The following SPTLC3 variants were observed in gnomAD, a reference collection of about 807,000 sequenced individuals.
The protein encoded by SPTLC3 is serine palmitoyltransferase long chain base subunit 3.
In SPTLC3, 36 loss-of-function variants were observed where a neutral mutation model predicts 59.3. The ratio of observed to expected loss-of-function variants is 0.61; its 90% CI spans 0.47 to 0.80. SPTLC3 has a LOEUF of 0.80. SPTLC3 is among the 30% of genes least tolerant of loss of function. SPTLC3 has a pLI of 0.00. For missense variants in SPTLC3, 625 were observed against 685.1 expected (o/e 0.91, Z 0.98); for synonymous variants, 257 against 240.8 (o/e 1.07, Z -0.62).
At chr20:13,110,288 C>T in intron 7 of SPTLC3, 71 bp downstream of exon 7, 2 of 1,259,540 alleles carry the variant, frequency 1.6e-6, no homozygotes, top group South Asian at 2.6e-5. Context: ...GAAAGGCTCA[C>T]CTTTCCTAGC....
At chr20:13,028,896 T>C (rs143729049) in intron 1 of SPTLC3, among the ~76,000 whole-genome samples, 91 of 152,306 alleles carry the variant, frequency 6.0e-4, no homozygotes, top group African/African-American at 2.0e-3. Context: ...GCTATTATTT[T>C]AAAATAGGAA....
chr20:13,103,634 A>G (rs1410349540), intron 6 of SPTLC3, among the ~76,000 whole-genome samples: 1 of 152,188 alleles, frequency 6.6e-6, no homozygotes, highest in Non-Finnish European at 1.5e-5. Flanking sequence ...TAAACCACCA[A>G]CCACACCAGG....
chr20:13,124,178 T>C (rs541396932), intron 8 of SPTLC3, among the ~76,000 whole-genome samples: 2 of 152,330 alleles, frequency 1.3e-5, no homozygotes, highest in Admixed American at 1.3e-4. Context: ...TAATTTCATT[T>C]ATATAAATGG....
intron 9 of SPTLC3, among the ~76,000 whole-genome samples, chr20:13,145,436 T>C (rs1304488823): frequency 1.3e-5 from 2 of 151,744 alleles, no homozygotes; most frequent in Admixed American, 1.3e-4. Context: ...ACCAGAGAGG[T>C]GAAAGATCTC....
intron 6 of SPTLC3, among the ~76,000 whole-genome samples, chr20:13,102,215 A>G (rs1362278696): frequency 1.3e-5 from 2 of 152,144 alleles, no homozygotes; most frequent in Non-Finnish European, 2.9e-5. Flanking sequence ...TTTATATTTC[A>G]ATGTCCAACT....
chr20:13,074,240 C>T (rs879819038), intron 3 of SPTLC3, 109 bp from the exon 4 acceptor site: 6 of 1,394,298 alleles, frequency 4.3e-6, no homozygotes, highest in Admixed American at 1.8e-5. Context: ...TCCTTGGTCA[C>T]CTCATCCTCT....
intron 4 of SPTLC3, among the ~76,000 whole-genome samples, chr20:13,087,915 G>A (rs1238135364): frequency 7.2e-5 from 11 of 152,136 alleles, no homozygotes; most frequent in Admixed American, 5.9e-4. Context: ...AAAAGATGAA[G>A]GGCAAAAAAT....
chr20:13,078,023 A>T (rs926623709), intron 4 of SPTLC3, among the ~76,000 whole-genome samples: 1 of 151,376 alleles, frequency 6.6e-6, no homozygotes, highest in Non-Finnish European at 1.5e-5. Context: ...AGCTAGCATA[A>T]CCTTGATTTC....
At position 13,165,144 on chromosome 20, in the gene SPTLC3, A is replaced by G; in HGVS notation, c.*277A>G. 1 of 336,730 alleles carries G rather than the reference A, an allele frequency of 3.0e-6. No individual in the cohort carries two copies. The highest frequency in any genetic ancestry group is 5.5e-5 in the East Asian group (1 of 18,038). 20.9% of individuals were successfully genotyped at this position (336,730 alleles called of 1,614,324 possible). ...CACTTCTGAGAATATTTTTAATGGC[A>G]ATAAGCCTGTGTTTTAGCTGCTACT... On this transcript the variant is annotated 3_prime_UTR_variant, in exon 12 of 12. Coordinates refer to ENST00000399002, the MANE Select transcript of SPTLC3 (RefSeq NM_018327.4).
chr20:13,010,604 G>C (rs968842498), intron 1 of SPTLC3, among the ~76,000 whole-genome samples: 2 of 152,208 alleles, frequency 1.3e-5, no homozygotes, highest in African/African-American at 4.8e-5. Context: ...CTGGAGCAAT[G>C]TGAAGAGAAG....
chr20:13,055,410 A>G (rs1008678630), intron 2 of SPTLC3, among the ~76,000 whole-genome samples: 1 of 151,960 alleles, frequency 6.6e-6, no homozygotes, highest in Non-Finnish European at 1.5e-5. Context: ...ATGGCCCCTA[A>G]CCCCACCAGC....
intron 6 of SPTLC3, among the ~76,000 whole-genome samples, chr20:13,109,415 C>G (rs1281487534): frequency 6.6e-6 from 1 of 152,176 alleles, no homozygotes; most frequent in East Asian, 1.9e-4. Flanking sequence ...GTTTACTCAA[C>G]TCCTCTGTGT....
At chr20:13,075,625 G>A (rs1357553997) in intron 4 of SPTLC3, among the ~76,000 whole-genome samples, 1 of 152,170 alleles carries the variant, frequency 6.6e-6, no homozygotes, top group Non-Finnish European at 1.5e-5. Flanking sequence ...TTAACAGGGT[G>A]GAGATGAAAA....
chr20:13,084,059 C>T (rs1481703557), intron 4 of SPTLC3, among the ~76,000 whole-genome samples: 3 of 152,230 alleles, frequency 2.0e-5, no homozygotes, highest in African/African-American at 7.2e-5. Context: ...TGATCAAATC[C>T]TCTTTACCCT....
intron 3 of SPTLC3, 56 bp downstream of exon 3, chr20:13,072,466 T>TTGAA: frequency 6.8e-7 from 1 of 1,465,584 alleles, no homozygotes; most frequent in South Asian, 1.4e-5. Context: ...AAGGAAATCC[T>TTGAA]AGCATGGCCA....
At chr20:13,073,969 C>A in intron 3 of SPTLC3, 1 of 595,554 alleles carries the variant, frequency 1.7e-6, no homozygotes. Flanking sequence ...GTTACCAACT[C>A]CTGGTATATC....
intron 9 of SPTLC3, among the ~76,000 whole-genome samples, chr20:13,147,819 G>A (rs566007393): frequency 1.1e-4 from 16 of 152,314 alleles, no homozygotes; most frequent in Admixed American, 7.8e-4. Context: ...TTGAAGGAGG[G>A]AATGAGCTGG....
intron 2 of SPTLC3, among the ~76,000 whole-genome samples, chr20:13,051,633 C>A (rs1275301393): frequency 2.0e-5 from 3 of 152,156 alleles, no homozygotes; most frequent in Admixed American, 6.5e-5. Context: ...CCGCAGAATA[C>A]ACATTCTATT....
chr20:13,012,873 A>C (rs1274643785), intron 1 of SPTLC3, among the ~76,000 whole-genome samples: 1 of 152,210 alleles, frequency 6.6e-6, no homozygotes, highest in Non-Finnish European at 1.5e-5. Flanking sequence ...AGAGCAGAGA[A>C]GACTCAAATT....
Sources: allele counts gnomAD v4.1 joint callset (sites outside exome capture counted in the v4.1 genomes callset), GRCh38; gene constraint gnomAD v4.1.1; transcripts MANE v1.5; gene names NCBI Gene and HGNC (gene_info 2026-07-23, HGNC 2026-07-21).